KCNH7: variants seen among roughly 807,000 people sequenced by gnomAD.
KCNH7 encodes the protein potassium voltage-gated channel subfamily H member 7.
In KCNH7, 49 loss-of-function variants were observed where a neutral mutation model predicts 120.8. The ratio of observed to expected loss-of-function variants is 0.41; its 90% CI spans 0.32 to 0.51. KCNH7 has a LOEUF of 0.51. Ranked by LOEUF, KCNH7 falls within the 20% of genes least tolerant of loss-of-function variation. The pLI is 0.38. For synonymous variants in KCNH7, 547 were observed against 516.1 expected (o/e 1.06, Z -0.81); for missense variants, 1,097 against 1,446.6 (o/e 0.76, Z 3.92).
At position 162,517,726 on chromosome 2, in the gene KCNH7, A is replaced by G. The variant is rs1558990089; in HGVS notation, c.892+4T>C. 4 of 1,548,580 alleles carry G rather than the reference A, an allele frequency of 2.6e-6. No individual in the cohort carries two copies. Among genetic ancestry groups the G allele is most frequent in the Non-Finnish European group, 3.5e-6 (4 of 1,143,870 alleles). ...GTTTCCATTTAAAAAAAAATCAAAC[A>G]TACCTTCGCTGGCATGTCGGTCTCT... On this transcript the variant is annotated splice_donor_region_variant and intron_variant, in intron 4 of 15. Coordinates refer to ENST00000332142, the MANE Select transcript of KCNH7 (RefSeq NM_033272.4).
intron 2 of KCNH7, among the ~76,000 whole-genome samples, chr2:162,821,836 G>T (rs1685130174): frequency 6.6e-6 from 1 of 152,004 alleles, no homozygotes; most frequent in South Asian, 2.1e-4. Flanking sequence ...ACTAAATCCT[G>T]GGGAGTGGAG....
rs186289871 is a variant in KCNH7, at chr2:162,480,596, T to A, written c.1128+23847A>T. 9.2e-4 allele frequency among the ~76,000 whole-genome samples: 140 copies of A among 152,342 alleles called. 1 individual carries two copies. The highest frequency in any genetic ancestry group is 3.3e-3 in the African/African-American group (136 of 41,584). ...CAAAACTCTCAGTTTTTCATGCAGC[T>A]TTTTACATGAGATACTCTCATCAAA... On this transcript the variant is annotated intron_variant, in intron 6 of 15. Coordinates refer to ENST00000332142, the MANE Select transcript of KCNH7 (RefSeq NM_033272.4).
chr2:162,807,576 G>A (rs193140886), intron 2 of KCNH7, among the ~76,000 whole-genome samples: 2 of 152,222 alleles, frequency 1.3e-5, no homozygotes, highest in East Asian at 1.9e-4. Flanking sequence ...CCCTCTGCAC[G>A]CTGAAAAATA....
chr2:162,639,243 T>A (rs188320822), intron 2 of KCNH7, among the ~76,000 whole-genome samples: 17 of 152,270 alleles, frequency 1.1e-4, no homozygotes, highest in Admixed American at 1.1e-3. Flanking sequence ...AAATTTAAAT[T>A]ATTACCTTGT....
chr2:162,621,834 C>T (rs1036613766), intron 2 of KCNH7, among the ~76,000 whole-genome samples: 1 of 152,102 alleles, frequency 6.6e-6, no homozygotes, highest in Non-Finnish European at 1.5e-5. Context: ...TATTTATTTA[C>T]ATTTGTTAAT....
rs1237504328 is a variant in KCNH7 at position 162,556,424 on chromosome 2, T to C, written c.308-19344A>G. On this transcript the variant is annotated intron_variant, in intron 2 of 15. Coordinates refer to ENST00000332142, the MANE Select transcript of KCNH7 (RefSeq NM_033272.4). The stretch of plus-strand genomic sequence containing the variant: ...GAACACTAGCTGAGATGTGACTATT[T>C]AGAGGACTCTTACCTCTACTTTGAT... 7.9e-5 allele frequency among the ~76,000 whole-genome samples: 12 copies of C among 152,300 alleles called. No individual in the cohort carries two copies. In the East Asian group the frequency reaches 2.1e-3, roughly 27 times the overall value.
intron 2 of KCNH7, among the ~76,000 whole-genome samples, chr2:162,765,353 G>T (rs898334161): frequency 9.2e-5 from 14 of 152,102 alleles, no homozygotes; most frequent in Non-Finnish European, 2.1e-4. Flanking sequence ...TTCTGACATT[G>T]TGTTTAAGAA....
intron 2 of KCNH7, among the ~76,000 whole-genome samples, chr2:162,590,288 T>A (rs1253514779): frequency 6.6e-6 from 1 of 152,048 alleles, no homozygotes; most frequent in South Asian, 2.1e-4. Context: ...TTTATCCGAG[T>A]GCATCTGAGT....
At chr2:162,513,191 T>TCCTG (rs1691141589) in intron 4 of KCNH7, among the ~76,000 whole-genome samples, 2 of 85,986 alleles carry the variant, frequency 2.3e-5, no homozygotes, top group Non-Finnish European at 4.3e-5. Context: ...CCTCCCTCCC[T>TCCTG]CCCTCCTTCC....
chr2:162,680,567 G>A (rs1685677689), intron 2 of KCNH7, among the ~76,000 whole-genome samples: 1 of 151,610 alleles, frequency 6.6e-6, no homozygotes, highest in African/African-American at 2.4e-5. Context: ...CAGTAACTAG[G>A]GGTTACAGCA....
At chr2:162,727,189 C>G (rs549840174) in intron 2 of KCNH7, among the ~76,000 whole-genome samples, 1 of 152,114 alleles carries the variant, frequency 6.6e-6, no homozygotes. Context: ...CTTTTATGCT[C>G]TCTACTATGT....
intron 6 of KCNH7, among the ~76,000 whole-genome samples, chr2:162,480,077 A>G (rs1179267226): frequency 2.0e-5 from 3 of 152,144 alleles, no homozygotes; most frequent in Non-Finnish European, 4.4e-5. Context: ...GAAAATCTCT[A>G]GTTGAAGGCA....
intron 2 of KCNH7, among the ~76,000 whole-genome samples, chr2:162,620,145 AATATAG>A (rs1246532942): frequency 6.7e-6 from 1 of 149,624 alleles, no homozygotes; most frequent in Non-Finnish European, 1.5e-5. Context: ...TGGGTAGAGA[AATATAG>A]ATATATATAT....
At chr2:162,482,432 GGT>G (rs373503853) in intron 6 of KCNH7, among the ~76,000 whole-genome samples, 2 of 151,470 alleles carry the variant, frequency 1.3e-5, no homozygotes, top group Admixed American at 1.3e-4. Flanking sequence ...TGTCTTCTGT[GGT>G]GTGTGTGTGT....
At chr2:162,739,654 A>G (rs1016123727) in intron 2 of KCNH7, among the ~76,000 whole-genome samples, 7 of 152,270 alleles carry the variant, frequency 4.6e-5, no homozygotes, top group African/African-American at 1.4e-4. Flanking sequence ...CAGGCCAGGC[A>G]TGTTCCTGAG....
chr2:162,650,296 T>C (rs1684521759), intron 2 of KCNH7, among the ~76,000 whole-genome samples: 1 of 152,202 alleles, frequency 6.6e-6, no homozygotes, highest in African/African-American at 2.4e-5. Flanking sequence ...CATAATTGTT[T>C]CTATGATTGT....
chr2:162,529,312 C>T (rs1691832718), intron 3 of KCNH7, among the ~76,000 whole-genome samples: 1 of 151,844 alleles, frequency 6.6e-6, no homozygotes, highest in African/African-American at 2.4e-5. Context: ...AGAGGAACAA[C>T]AAATGGTACT....
intron 6 of KCNH7, among the ~76,000 whole-genome samples, chr2:162,483,692 C>T (rs187182896): frequency 2.0e-5 from 3 of 152,006 alleles, no homozygotes; most frequent in Non-Finnish European, 4.4e-5. Context: ...ATTTTCATTA[C>T]TGTGTTAAAA....
Position 162,446,106 on chromosome 2 carries a change from G to A in KCNH7, c.1466C>T (p.Ala489Val). The change falls in exon 7 of 16, where the codon GCA becomes GTA. Residue 489 changes from alanine to valine, a missense_variant. By Grantham distance (64) the Ala-to-Val change is moderately conservative. Around this residue, in one of 8 missense-constraint regions of KCNH7, gnomAD observed 109 missense variants for 196.8 expected, o/e 0.55. Coordinates refer to ENST00000332142, the MANE Select transcript of KCNH7 (RefSeq NM_033272.4). ...EEVVSDPAKI[A>V]IHYFKGWFLI... ...GAACCAGCCTTTGAAGTAGTGTATT[G>A]CTATTTTGGCGGGATCACTTACCAC... The A allele has an allele frequency of 6.2e-7, 1 of 1,613,790 alleles. No individual in the cohort carries two copies. Among genetic ancestry groups the A allele is most frequent in the East Asian group, 2.2e-5 (1 of 44,866 alleles).
Sources: gnomAD v4.1 joint callset for allele counts (sites outside exome capture counted in the v4.1 genomes callset) on GRCh38, gnomAD v4.1.1 for gene constraint, gnomAD v4.1.1 regional missense constraint, MANE v1.5 for transcripts, NCBI Gene and HGNC (gene_info 2026-07-23, HGNC 2026-07-21) for gene names.